The following IPO5 variants were observed in gnomAD, a reference collection of about 807,000 sequenced individuals.
IPO5 encodes importin-5.
A neutral mutation model predicts 143.3 loss-of-function variants in IPO5; 18 were observed. The ratio of observed to expected loss-of-function variants is 0.13; its 90% CI spans 0.09 to 0.19. IPO5 has a LOEUF of 0.19. Among genes scored for constraint, IPO5 ranks in the 10% least tolerant of loss-of-function variants. The pLI is 1.00. For missense variants in IPO5, 1,013 were observed against 1,336.9 expected (o/e 0.76, Z 3.78); for synonymous variants, 477 against 465.7 (o/e 1.02, Z -0.31).
intron 2 of IPO5, among the ~76,000 whole-genome samples, chr13:97,967,091 T>G (rs1047259364): frequency 6.6e-6 from 1 of 152,146 alleles, no homozygotes; most frequent in African/African-American, 2.4e-5. Context: ...TTGCTGTAGA[T>G]CTATTCATAT....
intron 2 of IPO5, among the ~76,000 whole-genome samples, chr13:97,964,628 A>G (rs1885159999): frequency 6.6e-6 from 1 of 151,642 alleles, no homozygotes; most frequent in African/African-American, 2.4e-5. Flanking sequence ...TTTTACAAAA[A>G]AAAGTAGAGA....
At chr13:97,974,299 G>C (rs1014267654) in intron 3 of IPO5, among the ~76,000 whole-genome samples, 1 of 150,784 alleles carries the variant, frequency 6.6e-6, no homozygotes, top group Non-Finnish European at 1.5e-5. Flanking sequence ...AGTTGTTTTT[G>C]TCTGAAATTC....
At chr13:97,965,902 G>A (rs910386161) in intron 2 of IPO5, among the ~76,000 whole-genome samples, 1 of 151,900 alleles carries the variant, frequency 6.6e-6, no homozygotes, top group African/African-American at 2.4e-5. Context: ...ACTTTGGGGC[G>A]GCCGAGGCAG....
chr13:97,977,286 T>A (rs1474722438), intron 4 of IPO5, among the ~76,000 whole-genome samples: 1 of 152,206 alleles, frequency 6.6e-6, no homozygotes, highest in Non-Finnish European at 1.5e-5. Flanking sequence ...CCTCTCTTTT[T>A]AAATATGTGC....
intron 17 of IPO5, chr13:98,007,434 T>C (rs983328184): frequency 6.6e-6 from 1 of 152,266 alleles, no homozygotes; most frequent in Admixed American, 6.5e-5. Context: ...TTGTTCAAGC[T>C]AATGCAAAAG....
intron 12 of IPO5, among the ~76,000 whole-genome samples, chr13:97,998,285 G>GT (rs1247575043): frequency 6.6e-6 from 1 of 152,082 alleles, no homozygotes; most frequent in East Asian, 1.9e-4. Context: ...AAGTATCTAT[G>GT]TTTTTAACTG....
chr13:97,966,960 A>T (rs1338812842), intron 2 of IPO5, among the ~76,000 whole-genome samples: 2 of 152,026 alleles, frequency 1.3e-5, no homozygotes, highest in Non-Finnish European at 2.9e-5. Flanking sequence ...TGCTTGAACC[A>T]GGGAGGCGGA....
chr13:97,990,683 CAT>C, intron 9 of IPO5, 146 bp downstream of exon 9: 1 of 506,414 alleles, frequency 2.0e-6, no homozygotes, highest in Middle Eastern at 4.9e-4. Flanking sequence ...TCTCAGTCTC[CAT>C]TAAGCTTATG....
chr13:97,969,155 A>G (rs765236129), intron 2 of IPO5, among the ~76,000 whole-genome samples: 1 of 64,060 alleles, frequency 1.6e-5, no homozygotes, highest in East Asian at 4.4e-4. Flanking sequence ...TCTGCTAAGT[A>G]TATATATATA....
chr13:97,997,656 C>CT, intron 12 of IPO5, 38 bp downstream of exon 12: 1 of 1,327,564 alleles, frequency 7.5e-7, no homozygotes, highest in Non-Finnish European at 1.1e-6. Context: ...AGTGAAAGCC[C>CT]TAGGGCTCCA....
chr13:97,994,485 T>G (rs1888070541), intron 11 of IPO5, among the ~76,000 whole-genome samples: 1 of 152,154 alleles, frequency 6.6e-6, no homozygotes, highest in Non-Finnish European at 1.5e-5. Context: ...TTTAGAAAAT[T>G]TTATAGGCAT....
At chr13:98,016,610 T>C in intron 24 of IPO5, 119 bp from the exon 25 acceptor site, 1 of 551,774 alleles carries the variant, frequency 1.8e-6, no homozygotes, top group Non-Finnish European at 2.9e-6. Context: ...GATTTACCCT[T>C]AAAACAGGAA....
At chr13:97,976,807 A>C (rs1391785203) in intron 4 of IPO5, 21 bp downstream of exon 4, 4 of 1,175,132 alleles carry the variant, frequency 3.4e-6, no homozygotes, top group South Asian at 1.4e-5. Context: ...TCGCCGCCCC[A>C]GTCTTCGCGC....
intron 6 of IPO5, among the ~76,000 whole-genome samples, chr13:97,986,301 A>G (rs961429237): frequency 2.0e-5 from 3 of 152,150 alleles, no homozygotes; most frequent in African/African-American, 4.8e-5. Context: ...TTGCTGTTGT[A>G]TATGTGTGGT....
chr13:97,990,608 C>G, intron 9 of IPO5, 71 bp downstream of exon 9: 1 of 823,808 alleles, frequency 1.2e-6, no homozygotes, highest in Non-Finnish European at 1.9e-6. Context: ...ATCATTTATG[C>G]AATAAATTCA....
At chr13:97,976,652 A>G (rs1594044175) in intron 3 of IPO5, 41 bp from the exon 4 acceptor site, 4 of 1,010,644 alleles carry the variant, frequency 4.0e-6, no homozygotes, top group Non-Finnish European at 2.7e-6. Flanking sequence ...AGCGCGCCTC[A>G]CGGCTCCTGT....
At chr13:98,007,455 G>T (rs1213333485) in intron 17 of IPO5, 1 of 152,234 alleles carries the variant, frequency 6.6e-6, no homozygotes, top group Non-Finnish European at 1.5e-5. Flanking sequence ...AAGTTTCTCT[G>T]TCATTGAATC....
chr13:97,976,105 G>C, intron 3 of IPO5: 2 of 310,916 alleles, frequency 6.4e-6, no homozygotes, highest in Non-Finnish European at 9.4e-6. Flanking sequence ...GCGGCCACGG[G>C]GAGGGGCCGG....
At chr13:98,006,519 C>T (rs1415643683) in intron 17 of IPO5, among the ~76,000 whole-genome samples, 171 bp downstream of exon 17, 9 of 151,154 alleles carry the variant, frequency 6.0e-5, no homozygotes, top group African/African-American at 9.7e-5. Context: ...GGACTACAGA[C>T]GCCCGCCACC....
Sources: allele counts gnomAD v4.1 joint callset (sites outside exome capture counted in the v4.1 genomes callset), GRCh38; gene constraint gnomAD v4.1.1; transcripts MANE v1.5; gene names NCBI Gene and HGNC (gene_info 2026-07-23, HGNC 2026-07-21).